Variants in RUFY3 observed in about 807,000 individuals in gnomAD.
The protein encoded by RUFY3 is RUN and FYVE domain containing 3.
RUFY3 carries 34 observed loss-of-function variants against 84.0 expected under a neutral mutation model. The ratio of observed to expected loss-of-function variants is 0.40; its 90% CI spans 0.31 to 0.54. The LOEUF (loss-of-function observed/expected upper bound fraction) is 0.54, where lower values mean the gene tolerates loss of function less well. Among genes scored for constraint, RUFY3 ranks in the 20% least tolerant of loss-of-function variants. The pLI is 0.39. For synonymous variants in RUFY3, 242 were observed against 252.9 expected, an observed-to-expected ratio of 0.96 and a Z score of 0.41; for missense variants, 507 against 736.8, an observed-to-expected ratio of 0.69 and a Z score of 3.61.
rs1409971544 is a variant in RUFY3 at position 70,793,957 on chromosome 4, T to C, written c.1457+53T>C. 1.4e-5 allele frequency: 22 copies of C among 1,584,824 alleles called. No individual in the cohort carries two copies. The East Asian group carries it at 3.4e-4, about 24-fold the overall frequency. The stretch of plus-strand genomic sequence containing the variant: ...GGGTGGTCATGGGTAATTCTTAGGG[T>C]AGACAGCAAGAAAAGGGGTCTCATG... On this transcript the variant is annotated intron_variant, in intron 13 of 17. Transcript: ENST00000381006.
At chr4:70,715,909 C>G (rs1235211227) in intron 1 of RUFY3, among the ~76,000 whole-genome samples, 1 of 152,080 alleles carries the variant, frequency 6.6e-6, no homozygotes, top group Admixed American at 6.5e-5. Context: ...GTCAGGAGAT[C>G]AAGACCATCC....
chr4:70,733,138 GA>G lies in RUFY3; in HGVS notation c.178+10388del, dbSNP rs1489567919. Among the ~76,000 whole-genome samples the G allele has an allele frequency of 8.6e-4, 66 of 76,678 alleles. 1 individual carries two copies. Among genetic ancestry groups the G allele is most frequent in the South Asian group, 2.2e-3 (5 of 2,266 alleles). 50.3% of individuals were successfully genotyped at this position (76,678 alleles called of 152,430 possible). A position where few individuals can be genotyped will look rare whatever the true frequency, so the allele number is the denominator to read the frequency against. ...AGAGAGAGGGAGGGAGGGAGGGAGG[GA>G]GAGAGAGAGAGAGAGAGAGAGAGAG... On this transcript the variant is annotated intron_variant, in intron 1 of 17. Coordinates refer to ENST00000381006, the MANE Select transcript of RUFY3 (RefSeq NM_001037442.4).
At chr4:70,734,375 C>G (rs1401849606) in intron 1 of RUFY3, 1 of 985,196 alleles carries the variant, frequency 1.0e-6, no homozygotes. Context: ...ATTACAGAAA[C>G]ATTTGTTGCC....
intron 5 of RUFY3, 100 bp downstream of exon 5, chr4:70,768,761 A>G (rs1726424749): frequency 6.4e-6 from 7 of 1,094,824 alleles, no homozygotes; most frequent in East Asian, 2.4e-5. Context: ...GCCATATTCT[A>G]TGAGTCATAA....
At chr4:70,776,052 A>G (rs4367145) in intron 7 of RUFY3, among the ~76,000 whole-genome samples, 2,436 of 152,192 alleles carry the variant, frequency 0.016, 83 homozygotes, top group African/African-American at 0.053. Flanking sequence ...TTTCTTTGCC[A>G]TTATTACAGT....
chr4:70,716,859 A>G (rs1577916709), intron 1 of RUFY3, among the ~76,000 whole-genome samples: 1 of 143,024 alleles, frequency 7.0e-6, no homozygotes. Flanking sequence ...AAAAAAAAAA[A>G]AAGAAAAGAA....
chr4:70,754,126 C>G (rs1365693143), intron 1 of RUFY3, among the ~76,000 whole-genome samples: 1 of 151,640 alleles, frequency 6.6e-6, no homozygotes, highest in East Asian at 1.9e-4. Context: ...AATCTTGGCT[C>G]ACTGCAGTTT....
Position 70,807,685 on chromosome 4 carries a change from G to A in RUFY3, c.*1026G>A, listed in dbSNP as rs1732973899. 7.1e-6 allele frequency among the ~76,000 whole-genome samples: 1 copy of A among 140,930 alleles called. No individual in the cohort carries two copies. The highest frequency in any genetic ancestry group is 1.5e-5 in the Non-Finnish European group (1 of 65,426). 92.5% of individuals were successfully genotyped at this position (140,930 alleles called of 152,430 possible). ...TGGCTTTTTTTTTTTTTTTTTGGCC[G>A]GGGAGGGGGTCTCATTGGTTGCTCA... On this transcript the variant is annotated 3_prime_UTR_variant, in exon 18 of 18. Transcript: ENST00000381006.
At chr4:70,769,647 A>G (rs1726621430) in intron 5 of RUFY3, among the ~76,000 whole-genome samples, 2 of 152,232 alleles carry the variant, frequency 1.3e-5, no homozygotes, top group East Asian at 1.9e-4. Flanking sequence ...TCTCTGTAGC[A>G]TACCACGCTG....
chr4:70,706,044 T>C (rs1740302020), intron 1 of RUFY3, among the ~76,000 whole-genome samples: 1 of 152,136 alleles, frequency 6.6e-6, no homozygotes, highest in Non-Finnish European at 1.5e-5. Flanking sequence ...TGACCCACAC[T>C]CCGTGCTGTA....
chr4:70,704,783 G>T, upstream of RUFY3: 1 of 459,178 alleles, frequency 2.2e-6, no homozygotes, highest in South Asian at 1.0e-4. Context: ...CCGAGCGGCG[G>T]AGCCCAGGCG....
chr4:70,704,006 A>T (rs926529590), upstream of RUFY3: 27 of 152,238 alleles, frequency 1.8e-4, no homozygotes, highest in African/African-American at 6.0e-4. Context: ...TGTTTACTTA[A>T]GGGAATTACT....
intron 5 of RUFY3, among the ~76,000 whole-genome samples, chr4:70,770,201 G>T (rs1245886588): frequency 6.6e-6 from 1 of 152,184 alleles, no homozygotes; most frequent in Admixed American, 6.5e-5. Flanking sequence ...AATGGTAAAT[G>T]AGCACTGGCT....
At chr4:70,738,508 A>G (rs927382541) in intron 1 of RUFY3, among the ~76,000 whole-genome samples, 2 of 150,878 alleles carry the variant, frequency 1.3e-5, no homozygotes, top group Admixed American at 1.3e-4. Flanking sequence ...GACTACAGGC[A>G]TGCGCCACCA....
upstream of RUFY3, among the ~76,000 whole-genome samples, chr4:70,721,681 A>T (rs952424240): frequency 1.3e-5 from 2 of 152,222 alleles, no homozygotes; most frequent in Non-Finnish European, 2.9e-5. Flanking sequence ...TGTTAAATTA[A>T]TCTAACTGCC....
At chr4:70,796,304 G>T (rs1731494842) in intron 14 of RUFY3, among the ~76,000 whole-genome samples, 1 of 152,160 alleles carries the variant, frequency 6.6e-6, no homozygotes, top group Non-Finnish European at 1.5e-5. Context: ...CCTAAAAACT[G>T]TTGCCATGAC....
intron 6 of RUFY3, among the ~76,000 whole-genome samples, chr4:70,774,644 A>AAAAAAAAAAAAT (rs1553916771): frequency 1.8e-5 from 1 of 56,686 alleles, no homozygotes; most frequent in Admixed American, 2.5e-4. Flanking sequence ...AAAAAAAAAA[A>AAAAAAAAAAAAT]ATATATATAT....
At chr4:70,746,252 G>A (rs112238318) in intron 1 of RUFY3, among the ~76,000 whole-genome samples, 5,653 of 151,234 alleles carry the variant, frequency 0.037, 223 homozygotes, top group African/African-American at 0.1. Flanking sequence ...TCTGAGGCAC[G>A]AGAATCGCTT....
At chr4:70,802,558 G>A (rs1732357338) in intron 15 of RUFY3, among the ~76,000 whole-genome samples, 2 of 152,122 alleles carry the variant, frequency 1.3e-5, no homozygotes, top group Admixed American at 6.6e-5. Context: ...TACACAACAT[G>A]TGATAATGGA....
Sources: gnomAD v4.1 joint callset for allele counts (sites outside exome capture counted in the v4.1 genomes callset) on GRCh38, gnomAD v4.1.1 for gene constraint, MANE v1.5 for transcripts, NCBI Gene and HGNC (gene_info 2026-07-23, HGNC 2026-07-21) for gene names.